DISP3: variants seen among roughly 807,000 people sequenced by gnomAD.
DISP3 encodes the protein dispatched RND transporter family member 3.
In DISP3, 101 loss-of-function variants were observed where a neutral mutation model predicts 135.3. The ratio of observed to expected loss-of-function variants is 0.75; its 90% confidence interval spans 0.64 to 0.88. DISP3 has a LOEUF of 0.88. Ranked by LOEUF, DISP3 falls within the 40% of genes least tolerant of loss-of-function variation. DISP3 has a pLI of 0.00. For synonymous variants in DISP3, 856 were observed against 817.0 expected (o/e 1.05, Z -0.81); for missense variants, 1,713 against 1,878.6 (o/e 0.91, Z 1.63).
chr1:11,501,285 C>G lies in DISP3; in HGVS notation c.293C>G (p.Pro98Arg), dbSNP rs1392706131. The G allele has an allele frequency of 7.4e-6, 12 of 1,614,032 alleles. No individual in the cohort carries two copies. In the East Asian group the frequency reaches 2.7e-4, roughly 36 times the overall value. Reference sequence around the variant, plus strand: ...GCCTTCATGTTCCTTTACTACCCACCGCTGGACATTGACATCTCCTACAAC... The same window carrying G: ...GCCTTCATGTTCCTTTACTACCCACGGCTGGACATTGACATCTCCTACAAC... ...LSAFMFLYYPPLDIDISYNAF... is the reference protein window; with the variant it reads ...LSAFMFLYYPRLDIDISYNAF... The change falls in exon 2 of 21, where the codon CCG becomes CGG. Residue 98 changes from proline (P) to arginine (R), a missense_variant. By Grantham distance (103) the Pro-to-Arg change is moderately radical. Transcript: ENST00000294484. The surrounding 1 kb of genome is among the most constrained non-coding windows in gnomAD (Gnocchi z 4.9).
intron 1 of DISP3, chr1:11,482,011 T>A (rs1237840093): frequency 1.3e-5 from 2 of 152,120 alleles, no homozygotes; most frequent in Admixed American, 6.5e-5. Flanking sequence ...AGATGTGTGG[T>A]GAATGAATGA....
At chr1:11,486,393 C>T (rs924651960) in intron 1 of DISP3, among the ~76,000 whole-genome samples, 3 of 152,208 alleles carry the variant, frequency 2.0e-5, no homozygotes, top group East Asian at 1.9e-4. Context: ...ACCCCCGCCC[C>T]CTTCCCTTCT....
Position 11,535,652 on chromosome 1 carries a change from C to T in DISP3, c.3816+8C>T. ...CCCCCCCACCAGGCCGAGGTGCGCA[C>T]CCTGCCCGCCTTACCCACTTCCCAC... On this transcript the variant is annotated splice_region_variant and intron_variant, in intron 20 of 20. Transcript: ENST00000294484. The T allele has an allele frequency of 6.2e-7, 1 of 1,607,534 alleles. No homozygotes were observed. Among genetic ancestry groups the T allele is most frequent in the Non-Finnish European group, 8.5e-7 (1 of 1,177,900 alleles).
At position 11,501,375 on chromosome 1, in the gene DISP3, C is replaced by T; in HGVS notation, c.383C>T (p.Ser128Phe). The T allele has an allele frequency of 6.2e-7, 1 of 1,609,944 alleles. No individual in the cohort carries two copies. Among genetic ancestry groups the T allele is most frequent in the African/African-American group, 1.3e-5 (1 of 74,998 alleles). ...RFDALTLALK[S>F]QFGSWGRNRR... Reference sequence around the variant, plus strand: ...GACGCTCTCACTCTGGCGCTTAAGTCCCAGTTTGGATCCTGGGGGCGGAAC... The same window carrying T: ...GACGCTCTCACTCTGGCGCTTAAGTTCCAGTTTGGATCCTGGGGGCGGAAC... The change falls in exon 2 of 21, where the codon TCC becomes TTC. Residue 128 changes from serine to phenylalanine, a missense_variant. Ser to Phe is a radical substitution (Grantham distance 155, BLOSUM62 -2). This residue lies in a region of DISP3 where 571 missense variants were observed against 494.1 expected (regional missense o/e 1.16). Coordinates refer to ENST00000294484, the MANE Select transcript of DISP3 (RefSeq NM_020780.2). The surrounding 1 kb of genome is among the most constrained non-coding windows in gnomAD (Gnocchi z 4.9).
chr1:11,525,474 C>T (rs1391811651), intron 12 of DISP3, among the ~76,000 whole-genome samples, 162 bp downstream of exon 12: 2 of 152,238 alleles, frequency 1.3e-5, no homozygotes, highest in African/African-American at 2.4e-5. Flanking sequence ...AGGGACCTGC[C>T]GAGTGGTAGC....
intron 11 of DISP3, 56 bp downstream of exon 11, chr1:11,524,111 C>G (rs1642338010): frequency 7.7e-7 from 1 of 1,307,110 alleles, no homozygotes; most frequent in African/African-American, 1.5e-5. Flanking sequence ...GGTTGAAGGC[C>G]CTGTAAGGAG....
At chr1:11,488,374 C>T (rs536282238) in intron 1 of DISP3, among the ~76,000 whole-genome samples, 1 of 152,298 alleles carries the variant, frequency 6.6e-6, no homozygotes, top group Non-Finnish European at 1.5e-5. Context: ...GTCCCAGGGG[C>T]TGAGGGGTAC....
At chr1:11,513,802 C>T (rs796915694) in intron 3 of DISP3, among the ~76,000 whole-genome samples, 3 of 152,268 alleles carry the variant, frequency 2.0e-5, no homozygotes, top group African/African-American at 4.8e-5. Flanking sequence ...TCTCAGGGAT[C>T]GTCATCCTTG....
chr1:11,534,298 C>A, intron 17 of DISP3, 83 bp from the exon 18 acceptor site: 2 of 1,532,674 alleles, frequency 1.3e-6, no homozygotes, highest in Non-Finnish European at 1.8e-6. Flanking sequence ...CATTGGTGGC[C>A]GCAGAACAGA....
chr1:11,525,921 C>A lies in DISP3; in HGVS notation c.2613+609C>A, dbSNP rs139633249. ...ACCTCCTGGGCTCAAGCGATCCTCT[C>A]TCATCAGCCTCCTGAGTAGCTGTGA... On this transcript the variant is annotated intron_variant, in intron 12 of 20. Transcript: ENST00000294484. Among the ~76,000 whole-genome samples, 442 of 152,300 alleles carry A rather than the reference C, an allele frequency of 2.9e-3. 1 individual carries two copies. The highest frequency in any genetic ancestry group is 9.6e-3 in the African/African-American group (399 of 41,562).
chr1:11,485,860 GC>G (rs1399095580), intron 1 of DISP3, among the ~76,000 whole-genome samples: 2 of 152,182 alleles, frequency 1.3e-5, no homozygotes, highest in Admixed American at 6.5e-5. Context: ...TTACTAATAA[GC>G]AGTGGAGATG....
In DISP3 at chr1:11,523,935, G is replaced by C; in HGVS notation, c.2363-7G>C. On this transcript the variant is annotated splice_region_variant and splice_polypyrimidine_tract_variant and intron_variant, in intron 10 of 20. Transcript: ENST00000294484. ...CCTGCTGTCCTTGACATGGCGCTGG[G>C]GGGCAGGTCTGTTCCAGGAGAAGCC... 1 of 1,609,408 alleles carries C rather than the reference G, an allele frequency of 6.2e-7. No individual in the cohort carries two copies.
Position 11,525,317 on chromosome 1 carries a change from G to A in DISP3, c.2613+5G>A. ...GGAGAGGTGCCCTCCTTCCAGGTGA[G>A]CCTGGGCTGTCGTGAAGTGAGCCGC... On this transcript the variant is annotated splice_donor_5th_base_variant and intron_variant, in intron 12 of 20. Transcript: ENST00000294484. The A allele has an allele frequency of 6.2e-7, 1 of 1,611,954 alleles. No individual in the cohort carries two copies. The highest frequency in any genetic ancestry group is 8.5e-7 in the Non-Finnish European group (1 of 1,178,580).
chr1:11,536,971 G>C lies in DISP3; in HGVS notation c.*285G>C, dbSNP rs72866419. 1,014 of 469,058 alleles carry C rather than the reference G, an allele frequency of 2.2e-3. 8 individuals carry two copies. Among genetic ancestry groups the C allele is most frequent in the African/African-American group, 0.018 (948 of 51,282 alleles). The allele number at this position is 469,058 out of a possible 1,614,324, so 29.1% of individuals were successfully genotyped here. ...CCTCCTCCCATGCCCGGTCACCATGGGGGTCAGGTTATTTTTGTAGGGGGT... is the reference window on the plus strand; with the variant it reads ...CCTCCTCCCATGCCCGGTCACCATGCGGGTCAGGTTATTTTTGTAGGGGGT... On this transcript the variant is annotated 3_prime_UTR_variant, in exon 21 of 21. Coordinates refer to ENST00000294484, the MANE Select transcript of DISP3 (RefSeq NM_020780.2). The surrounding 1 kb of genome is among the most constrained non-coding windows in gnomAD (Gnocchi z 4.3).
intron 7 of DISP3, among the ~76,000 whole-genome samples, chr1:11,517,849 G>A (rs1183149968): frequency 6.6e-6 from 1 of 152,174 alleles, no homozygotes; most frequent in African/African-American, 2.4e-5. Context: ...AAAGAACCCT[G>A]GGAGCTGGGT....
chr1:11,519,969 C>T lies in DISP3; in HGVS notation c.2200+89C>T. 7.4e-7 allele frequency: 1 copy of T among 1,355,414 alleles called. No individual in the cohort carries two copies. Among genetic ancestry groups the T allele is most frequent in the Non-Finnish European group, 1.0e-6 (1 of 991,678 alleles). 84.0% of individuals were successfully genotyped at this position (1,355,414 alleles called of 1,614,324 possible). On this transcript the variant is annotated intron_variant, in intron 9 of 20. Transcript: ENST00000294484. The surrounding 1 kb of genome is among the most constrained non-coding windows in gnomAD (Gnocchi z 4.3). The stretch of plus-strand genomic sequence containing the variant: ...GGGAGCCCACCCCCTCTCGCAGATG[C>T]CCCAGGGTCAGAGGCCTGGGCTGGG...
At chr1:11,488,003 G>A (rs1641085514) in intron 1 of DISP3, among the ~76,000 whole-genome samples, 1 of 152,196 alleles carries the variant, frequency 6.6e-6, no homozygotes, top group Non-Finnish European at 1.5e-5. Context: ...ACTGGTGCGT[G>A]GGGAGGGGCG....
At chr1:11,503,718 G>A (rs1377245120) in intron 3 of DISP3, among the ~76,000 whole-genome samples, 2 of 152,132 alleles carry the variant, frequency 1.3e-5, no homozygotes, top group Non-Finnish European at 2.9e-5. Flanking sequence ...TGCTTTATGA[G>A]TTCTCTCCAT....
At chr1:11,503,738 T>G (rs1221785125) in intron 3 of DISP3, among the ~76,000 whole-genome samples, 1 of 152,166 alleles carries the variant, frequency 6.6e-6, no homozygotes, top group Admixed American at 6.5e-5. Context: ...TATTCCTTAA[T>G]CCAACCACAT....
Sources: gnomAD v4.1 joint callset for allele counts (sites outside exome capture counted in the v4.1 genomes callset) on GRCh38, gnomAD v4.1.1 for gene constraint, gnomAD v4.1.1 regional missense constraint, Gnocchi (gnomAD v3.1) non-coding constraint, MANE v1.5 for transcripts, NCBI Gene and HGNC (gene_info 2026-07-23, HGNC 2026-07-21) for gene names.